The following NR5A2 variants were observed in gnomAD, a reference collection of about 807,000 sequenced individuals.
The protein encoded by NR5A2 is nuclear receptor subfamily 5 group A member 2.
A neutral mutation model predicts 62.7 loss-of-function variants in NR5A2; 26 were observed. That is an observed-to-expected ratio of 0.41 (90% CI 0.30 to 0.58). NR5A2 has a LOEUF of 0.58. Among genes scored for constraint, NR5A2 ranks in the 20% least tolerant of loss-of-function variants. NR5A2 has a pLI of 0.22. For missense variants in NR5A2, 541 were observed against 669.1 expected (o/e 0.81, Z 2.11); for synonymous variants, 246 against 241.7 (o/e 1.02, Z -0.16).
intron 7 of NR5A2, among the ~76,000 whole-genome samples, chr1:200,153,593 C>T (rs548281386): frequency 6.8e-4 from 104 of 152,042 alleles, no homozygotes; most frequent in Admixed American, 2.3e-3. Flanking sequence ...ATCAACCTTA[C>T]GGCTCCCTGC....
rs1432347419 is a variant in NR5A2, at chr1:200,174,753, G to A, written c.*543G>A. 1 of 152,654 alleles carries A rather than the reference G, an allele frequency of 6.6e-6. No individual in the cohort carries two copies. The highest frequency in any genetic ancestry group is 1.5e-5 in the Non-Finnish European group (1 of 68,086). 9.5% of individuals were successfully genotyped at this position (152,654 alleles called of 1,614,324 possible). ...CCTGTGGTCACCGAATCTGTACTAA[G>A]GACCTGTGTTCAGCCACACCCAGTG... On this transcript the variant is annotated 3_prime_UTR_variant, in exon 8 of 8. Transcript: ENST00000367362.
chr1:200,088,599 C>G (rs1571452665), intron 5 of NR5A2, among the ~76,000 whole-genome samples: 3 of 152,166 alleles, frequency 2.0e-5, no homozygotes, highest in South Asian at 4.1e-4. Flanking sequence ...TCCACTGGCT[C>G]TCATCAGTCC....
At chr1:200,098,001 TTAAC>T (rs930952943) in intron 5 of NR5A2, among the ~76,000 whole-genome samples, 1 of 152,228 alleles carries the variant, frequency 6.6e-6, no homozygotes, top group African/African-American at 2.4e-5. Flanking sequence ...TTTCCCCTGT[TTAAC>T]TGGCCAGGAC....
intron 7 of NR5A2, among the ~76,000 whole-genome samples, chr1:200,152,242 C>T (rs1038766738): frequency 1.3e-5 from 2 of 152,112 alleles, no homozygotes; most frequent in African/African-American, 4.8e-5. Flanking sequence ...TGAATCTGAA[C>T]CATGTACAAA....
intron 7 of NR5A2, among the ~76,000 whole-genome samples, chr1:200,143,766 C>T (rs779819770): frequency 4.6e-5 from 7 of 151,642 alleles, no homozygotes; most frequent in African/African-American, 1.7e-4. Context: ...CTCAGCCTCC[C>T]GAGTAGCTGG....
intron 5 of NR5A2, among the ~76,000 whole-genome samples, chr1:200,063,935 G>C (rs532981576): frequency 6.6e-6 from 1 of 152,134 alleles, no homozygotes; most frequent in African/African-American, 2.4e-5. Flanking sequence ...GATCACCTGA[G>C]TTCAGGAGTT....
At chr1:200,109,383 C>T (rs1170912086) in intron 5 of NR5A2, among the ~76,000 whole-genome samples, 1 of 152,206 alleles carries the variant, frequency 6.6e-6, no homozygotes, top group East Asian at 1.9e-4. Flanking sequence ...TGTTGCTTTA[C>T]ACTTCACAAA....
intron 2 of NR5A2, among the ~76,000 whole-genome samples, chr1:200,040,980 G>A (rs1662042922): frequency 6.6e-6 from 1 of 152,228 alleles, no homozygotes; most frequent in Non-Finnish European, 1.5e-5. Context: ...CCCGGAGGCT[G>A]ACCTGTGGGT....
chr1:200,077,889 A>G (rs951995334), intron 5 of NR5A2, among the ~76,000 whole-genome samples: 1 of 152,120 alleles, frequency 6.6e-6, no homozygotes, highest in Non-Finnish European at 1.5e-5. Context: ...TCTGTTCTCT[A>G]GCAGTCACTG....
At chr1:200,144,593 A>C (rs181245489) in intron 7 of NR5A2, among the ~76,000 whole-genome samples, 1 of 152,288 alleles carries the variant, frequency 6.6e-6, no homozygotes, top group East Asian at 1.9e-4. Context: ...CATTGTTTCC[A>C]ATTTTTATTA....
intron 5 of NR5A2, among the ~76,000 whole-genome samples, chr1:200,069,414 C>T (rs1663637753): frequency 6.6e-6 from 1 of 152,072 alleles, no homozygotes; most frequent in Non-Finnish European, 1.5e-5. Context: ...GCATGCACCA[C>T]CATGCTTGGC....
chr1:200,115,072 T>G (rs1417022874), intron 6 of NR5A2, among the ~76,000 whole-genome samples: 4 of 152,184 alleles, frequency 2.6e-5, no homozygotes, highest in South Asian at 2.1e-4. Flanking sequence ...AGTTTGTTTT[T>G]GGGGGAATTT....
chr1:200,141,472 G>A (rs1466813171), intron 7 of NR5A2, among the ~76,000 whole-genome samples: 1 of 152,054 alleles, frequency 6.6e-6, no homozygotes, highest in East Asian at 1.9e-4. Flanking sequence ...AGTGTTCTTT[G>A]GTATGGATAT....
chr1:200,145,581 T>A (rs563270839), intron 7 of NR5A2, among the ~76,000 whole-genome samples: 2 of 152,084 alleles, frequency 1.3e-5, no homozygotes, highest in Non-Finnish European at 2.9e-5. Context: ...AGTTTCTTTC[T>A]AAAAAATTAG....
intron 7 of NR5A2, among the ~76,000 whole-genome samples, chr1:200,144,229 TCTCTCACACACACACACACA>T (rs1406078415): frequency 1.6e-5 from 2 of 127,012 alleles, no homozygotes; most frequent in East Asian, 2.2e-4. Context: ...TCTCTCTCTC[TCTCTCACACACACACACACA>T]CACACACACA....
In NR5A2 at chr1:200,120,864, T is replaced by C. The variant is rs766446466; in HGVS notation, c.1287T>C (p.Ser429=). The part of the protein sequence containing the change: ...QAGATLNNLM[S]HAQELVAKLR... ...GAGCCACCCTCAACAACCTCATGAG[T>C]CATGCACAGGAGTTAGTGGCAAAAC... Residue 429 remains serine (S), a synonymous_variant, in exon 7 of 8, where the codon AGT becomes AGC. Transcript: ENST00000367362. 6.2e-7 allele frequency: 1 copy of C among 1,607,616 alleles called. No individual in the cohort carries two copies.
At chr1:200,118,265 CCTCGGCCTCCCAA>C (rs1030521860) in intron 6 of NR5A2, among the ~76,000 whole-genome samples, 35 of 151,096 alleles carry the variant, frequency 2.3e-4, no homozygotes, top group African/African-American at 8.5e-4. Flanking sequence ...GATCCACCCA[CCTCGGCCTCCCAA>C]AGCACTGGGA....
rs1446217306 is a variant in NR5A2, at chr1:200,144,233, T to TCTCTCACACACA, written c.1378+23279_1378+23280insTCTCACACACAC. Among the ~76,000 whole-genome samples the TCTCTCACACACA allele has an allele frequency of 1.2e-3, 99 of 80,110 alleles. 2 individuals are homozygous for TCTCTCACACACA. Among genetic ancestry groups the TCTCTCACACACA allele is most frequent in the African/African-American group, 3.8e-3 (92 of 23,924 alleles). The allele number at this position is 80,110 out of a possible 152,430, so 52.6% of individuals were successfully genotyped here. A position where few individuals can be genotyped will look rare whatever the true frequency, so the allele number is the denominator to read the frequency against. On this transcript the variant is annotated intron_variant, in intron 7 of 7. Coordinates refer to ENST00000367362, the MANE Select transcript of NR5A2 (RefSeq NM_205860.3). ...CACTGTTTCTCTCTCTCTCTCTCTC[T>TCTCTCACACACA]CACACACACACACACACACACACAC...
chr1:200,041,569 G>A lies in NR5A2; in HGVS notation c.202+1774G>A, dbSNP rs191513307. 3.3e-5 allele frequency among the ~76,000 whole-genome samples: 5 copies of A among 152,270 alleles called. No individual in the cohort carries two copies. The East Asian group carries it at 9.7e-4, about 29-fold the overall frequency. On this transcript the variant is annotated intron_variant, in intron 2 of 7. Coordinates refer to ENST00000367362, the MANE Select transcript of NR5A2 (RefSeq NM_205860.3). ...ACAGAGCAGCGCGCCCAACTTTGAG[G>A]GAACTTTGTGCGCCTCTCTGAGGCC...
Sources: gnomAD v4.1 joint callset for allele counts (sites outside exome capture counted in the v4.1 genomes callset) on GRCh38, gnomAD v4.1.1 for gene constraint, MANE v1.5 for transcripts, NCBI Gene and HGNC (gene_info 2026-07-23, HGNC 2026-07-21) for gene names.